AKAP9: variants seen among roughly 807,000 people sequenced by gnomAD.
The protein encoded by AKAP9 is A-kinase anchor protein 9.
In AKAP9, 311 loss-of-function variants were observed where a neutral mutation model predicts 488.5. The ratio of observed to expected loss-of-function variants is 0.64; its 90% CI spans 0.58 to 0.70. The LOEUF (loss-of-function observed/expected upper bound fraction) is 0.70. Ranked by LOEUF, AKAP9 falls within the 30% of genes least tolerant of loss-of-function variation. AKAP9 has a pLI of 0.00. For missense variants in AKAP9, 4,215 were observed against 4,374.5 expected, an observed-to-expected ratio of 0.96 and a Z score of 1.03; for synonymous variants, 1,462 against 1,483.5, an observed-to-expected ratio of 0.99 and a Z score of 0.33.
intron 22 of AKAP9, among the ~76,000 whole-genome samples, chr7:92,055,723 T>G (rs1248231979): frequency 6.6e-6 from 1 of 152,018 alleles, no homozygotes; most frequent in Non-Finnish European, 1.5e-5. Context: ...CTTTCTAAAA[T>G]AGAGGGGGAA....
intron 14 of AKAP9, among the ~76,000 whole-genome samples, chr7:92,028,295 TAA>T (rs57352733): frequency 0.21 from 13,567 of 65,746 alleles, 630 homozygotes; most frequent in Non-Finnish European, 0.22. Flanking sequence ...CAATAAATAC[TAA>T]AAAAAAAAAA....
chr7:92,023,085 T>C (rs1802565480), intron 14 of AKAP9, 76 bp downstream of exon 14: 3 of 1,496,230 alleles, frequency 2.0e-6, no homozygotes, highest in East Asian at 2.3e-5. Context: ...AGAATGGTTA[T>C]TTAAAAAAGT....
chr7:92,108,619 G>C lies in AKAP9; in HGVS notation c.11672G>C (p.Gly3891Ala), dbSNP rs1818905233. The C allele has an allele frequency of 2.5e-6, 4 of 1,613,986 alleles. No individual in the cohort carries two copies. In the East Asian group the frequency reaches 6.7e-5, roughly 27 times the overall value. ...CTAGAGGCACTGCAAAGACGACTTG[G>C]AACTATACAGTCAGGTGCTCTGAGT... ...TRLEALQRRL[G>A]TIQSGSTTQF... The change falls in exon 49 of 50, where the codon GGA becomes GCA. Residue 3891 changes from glycine (G) to alanine (A), a missense_variant. Gly to Ala is a moderately conservative substitution (Grantham distance 60). Coordinates refer to ENST00000356239, the MANE Select transcript of AKAP9 (RefSeq NM_005751.5).
At position 92,045,185 on chromosome 7, in the gene AKAP9, G is replaced by A. The variant is rs768759307; in HGVS notation, c.5340G>A (p.Lys1780=). ...IWRSEAEASV[K]SCVHEEHTRV... ...GGTCAGAAGCAGAGGCATCTGTAAA[G>A]TCATGTGTCCATGAGGAACATACAA... The change falls in exon 21 of 50, where the codon AAG becomes AAA. Residue 1780 remains lysine (K), a synonymous_variant. Coordinates refer to ENST00000356239, the MANE Select transcript of AKAP9 (RefSeq NM_005751.5). The A allele has an allele frequency of 1.2e-6, 2 of 1,613,890 alleles. No individual in the cohort carries two copies. Among genetic ancestry groups the A allele is most frequent in the East Asian group, 4.5e-5 (2 of 44,858 alleles).
rs1810039577 is a variant in AKAP9, at chr7:92,062,448, A to G, written c.5939A>G (p.Lys1980Arg). The change falls in exon 24 of 50, where the codon AAG becomes AGG. Residue 1980 changes from lysine to arginine, a missense_variant. Physicochemically the swap from Lys to Arg is conservative, Grantham distance 26. Transcript: ENST00000356239. ...GAAAGAGAATTACTGTCCAGACAAAAGGAAGCTATGAAAGCAGAGGCAGGC... is the reference window on the plus strand; with the variant it reads ...GAAAGAGAATTACTGTCCAGACAAAGGGAAGCTATGAAAGCAGAGGCAGGC... The part of the protein sequence containing the change: ...QEERELLSRQ[K>R]EAMKAEAGPV... The G allele has an allele frequency of 6.2e-7, 1 of 1,613,744 alleles. No individual in the cohort carries two copies. The highest frequency in any genetic ancestry group is 2.2e-5 in the East Asian group (1 of 44,852).
intron 3 of AKAP9, among the ~76,000 whole-genome samples, chr7:91,981,705 A>T (rs1444853068): frequency 2.1e-5 from 3 of 145,162 alleles, no homozygotes; most frequent in Non-Finnish European, 4.5e-5. Flanking sequence ...TGCCTCCTGG[A>T]TCTAAGCAAT....
Position 92,102,722 on chromosome 7 carries a change from G to C in AKAP9, c.11226G>C (p.Arg3742=), listed in dbSNP as rs745703767. ...ATGCCACCTTGGCCCTGCTTGCCCGGATGGGGGGGCAGCCAGCTTTCACGG... is the reference window on the plus strand; with the variant it reads ...ATGCCACCTTGGCCCTGCTTGCCCGCATGGGGGGGCAGCCAGCTTTCACGG... ...CEDATLALLA[R]MGGQPAFTDL... The change falls in exon 46 of 50, where the codon CGG becomes CGC. Residue 3742 remains arginine (R), a synonymous_variant. Coordinates refer to ENST00000356239, the MANE Select transcript of AKAP9 (RefSeq NM_005751.5). The C allele has an allele frequency of 1.9e-6, 3 of 1,614,208 alleles. No homozygotes were observed. The highest frequency in any genetic ancestry group is 3.3e-5 in the Admixed American group (2 of 60,024).
chr7:91,992,837 A>C, intron 4 of AKAP9, 48 bp from the exon 5 acceptor site: 1 of 1,550,792 alleles, frequency 6.4e-7, no homozygotes, highest in Non-Finnish European at 8.9e-7. Flanking sequence ...CTCTCTCCCT[A>C]AGGAATATTG....
rs1739389781 is a variant in AKAP9, at chr7:92,108,830, ATT to A, written c.11686+199_11686+200del. Reference sequence around the variant, plus strand: ...TTTAAATAATTTAAGTGAAAATATGATTTATCACCCCAGATCCCACTCCTCCC... The same window carrying A: ...TTTAAATAATTTAAGTGAAAATATGATATCACCCCAGATCCCACTCCTCCC... On this transcript the variant is annotated intron_variant, in intron 49 of 49. Transcript: ENST00000356239. 11 of 701,374 alleles carry A rather than the reference ATT, an allele frequency of 1.6e-5. No homozygotes were observed. In the South Asian group the frequency reaches 1.7e-4, roughly 11 times the overall value. The allele number at this position is 701,374 out of a possible 1,614,324, so 43.4% of individuals were successfully genotyped here.
rs1455440473 is a variant in AKAP9, at chr7:92,083,588, C to T, written c.8579C>T (p.Ala2860Val). Residue 2860 changes from alanine (A) to valine (V), a missense_variant, in exon 33 of 50, where the codon GCC becomes GTC. Physicochemically the swap from Ala to Val is moderately conservative, Grantham distance 64 (BLOSUM62 0). This residue lies in a region of AKAP9 where 1,476 missense variants were observed against 1,477.4 expected (regional missense o/e 1.00). Transcript: ENST00000356239. Reference sequence around the variant, plus strand: ...ACCTTAAAGAGGGAACACTATGTTGCCGTTCAGTTACTGAAAGAGGAATGT... The same window carrying T: ...ACCTTAAAGAGGGAACACTATGTTGTCGTTCAGTTACTGAAAGAGGAATGT... ...TETLKREHYV[A>V]VQLLKEECGT... 1 of 1,602,580 alleles carries T rather than the reference C, an allele frequency of 6.2e-7. No individual in the cohort carries two copies. Among genetic ancestry groups the T allele is most frequent in the Non-Finnish European group, 8.5e-7 (1 of 1,176,438 alleles).
intron 2 of AKAP9, among the ~76,000 whole-genome samples, chr7:91,978,932 ATTTTTTTTTTTT>A (rs34097770): frequency 4.3e-4 from 39 of 90,352 alleles, no homozygotes; most frequent in African/African-American, 1.5e-3. Context: ...TAGTTTTTGT[ATTTTTTTTTTTT>A]TTTTTTTTTT....
intron 1 of AKAP9, among the ~76,000 whole-genome samples, chr7:91,969,484 T>C (rs1381636029): frequency 6.6e-6 from 1 of 152,232 alleles, no homozygotes; most frequent in Non-Finnish European, 1.5e-5. Context: ...TTGGATGATC[T>C]GTCCAATACT....
In AKAP9 at chr7:92,002,764, G is replaced by A. The variant is rs770244495; in HGVS notation, c.2847G>A (p.Lys949=). The A allele has an allele frequency of 5.6e-6, 9 of 1,613,720 alleles. No homozygotes were observed. The highest frequency in any genetic ancestry group is 7.6e-6 in the Non-Finnish European group (9 of 1,179,732). Residue 949 remains lysine (K), a synonymous_variant, in exon 8 of 50, where the codon AAG becomes AAA. Transcript: ENST00000356239. ...TCATGGAAAAACTTGAGGTAACCAA[G>A]CGAGAGAAATTAGAGCTGTCACAGA... ...TELMEKLEVT[K]REKLELSQRL...
intron 1 of AKAP9, among the ~76,000 whole-genome samples, chr7:91,967,777 T>C (rs538009391): frequency 1.3e-5 from 2 of 152,338 alleles, no homozygotes; most frequent in East Asian, 3.9e-4. Context: ...TGTTGTGTCC[T>C]TGTCTGGTTT....
chr7:92,050,180 T>A (rs964515753), intron 21 of AKAP9, among the ~76,000 whole-genome samples: 1 of 151,884 alleles, frequency 6.6e-6, no homozygotes, highest in Admixed American at 6.6e-5. Context: ...TCCTCCTGCC[T>A]CAGCCTCCCA....
chr7:92,106,331 CTATGA>C (rs1406925658), intron 47 of AKAP9, among the ~76,000 whole-genome samples: 6 of 152,142 alleles, frequency 3.9e-5, no homozygotes, highest in East Asian at 1.9e-4. Flanking sequence ...TCTCCCAATC[CTATGA>C]TATAAGTACA....
chr7:91,983,071 A>C (rs192225265), intron 3 of AKAP9, among the ~76,000 whole-genome samples: 12 of 150,572 alleles, frequency 8.0e-5, no homozygotes, highest in African/African-American at 2.9e-4. Flanking sequence ...TTATTATTAT[A>C]CTTTAAGTTC....
chr7:92,043,030 A>T lies in AKAP9; in HGVS notation c.5162+259A>T, dbSNP rs973069004. ...TTAATCACATACTTAACTGTTAATC[A>T]CCTGATGTTAGCAAAACTTTTCCTT... On this transcript the variant is annotated intron_variant, in intron 20 of 49. Coordinates refer to ENST00000356239, the MANE Select transcript of AKAP9 (RefSeq NM_005751.5). 14 of 274,752 alleles carry T rather than the reference A, an allele frequency of 5.1e-5. No homozygotes were observed. The East Asian group carries it at 9.9e-4, about 19-fold the overall frequency. The allele number at this position is 274,752 out of a possible 1,614,324, so 17.0% of individuals were successfully genotyped here. A position where few individuals can be genotyped will look rare whatever the true frequency, so the allele number is the denominator to read the frequency against.
chr7:92,019,389 C>T (rs1801999168), intron 12 of AKAP9, among the ~76,000 whole-genome samples: 1 of 151,932 alleles, frequency 6.6e-6, no homozygotes, highest in Non-Finnish European at 1.5e-5. Flanking sequence ...ATCCGCCCAC[C>T]TTGGCCTCCC....
Sources: gnomAD v4.1 joint callset for allele counts (sites outside exome capture counted in the v4.1 genomes callset) on GRCh38, gnomAD v4.1.1 for gene constraint, gnomAD v4.1.1 regional missense constraint, MANE v1.5 for transcripts, NCBI Gene and HGNC (gene_info 2026-07-23, HGNC 2026-07-21) for gene names.